Variants in UPRT observed in about 807,000 individuals in gnomAD.
UPRT encodes RP11-311P8.3.
A neutral mutation model predicts 22.6 loss-of-function variants in UPRT; 5 were observed. The ratio of observed to expected loss-of-function variants is 0.22; its 90% confidence interval spans 0.12 to 0.47. The LOEUF is 0.47. UPRT is among the 20% of genes least tolerant of loss of function. The pLI is 0.99. For missense variants in UPRT, 181 were observed against 239.9 expected, an observed-to-expected ratio of 0.75 and a Z score of 1.62; for synonymous variants, 77 against 87.7, an observed-to-expected ratio of 0.88 and a Z score of 0.68.
chrX:75,177,863 G>A (rs779881295), intron 4 of UPRT, among the ~76,000 whole-genome samples: 1 of 112,377 alleles, frequency 8.9e-6, no homozygotes, highest in East Asian at 2.8e-4. Context: ...TCTTATAGGA[G>A]AAACTAGAAA....
At chrX:75,302,268 A>T (rs746551579) in intron 6 of UPRT, among the ~76,000 whole-genome samples, 1 of 111,862 alleles carries the variant, frequency 8.9e-6, no homozygotes, top group Admixed American at 9.5e-5. Flanking sequence ...TCATTTATAT[A>T]TATAAAACAC....
chrX:75,284,216 A>AT (rs1463483415), intron 1 of UPRT, among the ~76,000 whole-genome samples: 1 of 110,609 alleles, frequency 9.0e-6, no homozygotes, highest in Non-Finnish European at 1.9e-5. Context: ...TCGTTTTTGG[A>AT]TTTCCTTGCA....
At chrX:75,217,567 A>G (rs760173986) in intron 4 of UPRT, among the ~76,000 whole-genome samples, 6 of 112,005 alleles carry the variant, frequency 5.4e-5, no homozygotes, top group African/African-American at 1.9e-4. Context: ...CTTTGAAGCA[A>G]TTGTGAATGG....
intron 4 of UPRT, among the ~76,000 whole-genome samples, chrX:75,237,969 T>G (rs2082474890): frequency 9.0e-6 from 1 of 110,895 alleles, no homozygotes; most frequent in Non-Finnish European, 1.9e-5. Context: ...AAAGGAATGT[T>G]AAAAAGAATC....
intron 4 of UPRT, among the ~76,000 whole-genome samples, chrX:75,190,002 G>A (rs562954031): frequency 6.3e-5 from 7 of 111,953 alleles, no homozygotes; most frequent in African/African-American, 2.3e-4. Context: ...TGTTATGTGT[G>A]CATTGGATCC....
intron 4 of UPRT, among the ~76,000 whole-genome samples, chrX:75,257,593 T>C (rs1292873039): frequency 9.0e-6 from 1 of 111,630 alleles, no homozygotes; most frequent in Non-Finnish European, 1.9e-5. Flanking sequence ...CTGTTGATGA[T>C]ATGATTGTTT....
At chrX:75,179,858 C>T (rs1381132620) in intron 4 of UPRT, among the ~76,000 whole-genome samples, 6 of 112,904 alleles carry the variant, frequency 5.3e-5, no homozygotes, top group South Asian at 3.6e-4. Flanking sequence ...CCAGCTGGCC[C>T]GCAAGCGCCG....
chrX:75,268,911 C>T (rs774187032), intron 4 of UPRT, among the ~76,000 whole-genome samples: 24 of 111,702 alleles, frequency 2.1e-4, no homozygotes, highest in African/African-American at 7.8e-4. Context: ...CTGGCCAGGG[C>T]AATCAGGCAA....
At chrX:75,188,686 G>A (rs761682101) in intron 4 of UPRT, among the ~76,000 whole-genome samples, 8 of 112,709 alleles carry the variant, frequency 7.1e-5, no homozygotes, top group East Asian at 2.8e-4. Context: ...CTTCGTGGGC[G>A]TAGGACCCTC....
At chrX:75,234,647 C>T (rs752947027) in intron 4 of UPRT, among the ~76,000 whole-genome samples, 1 of 111,458 alleles carries the variant, frequency 9.0e-6, no homozygotes, top group South Asian at 3.8e-4. Context: ...CAAAACCACT[C>T]AACTACATGG....
At chrX:75,228,496 G>A (rs1489757871) in intron 4 of UPRT, among the ~76,000 whole-genome samples, 5 of 111,616 alleles carry the variant, frequency 4.5e-5, no homozygotes, top group Non-Finnish European at 9.4e-5. Context: ...ATCATCAAAT[G>A]GTTTATTTCA....
Position 75,175,820 on chromosome X carries a change from C to G in UPRT, c.-447+7941C>G, listed in dbSNP as rs1018401707. Among the ~76,000 whole-genome samples, 3 of 111,617 alleles carry G rather than the reference C, an allele frequency of 2.7e-5. No individual in the cohort carries two copies. In the Admixed American group the frequency reaches 2.9e-4, roughly 11 times the overall value. ...TTTCTGACCTCTCTCAACCGTTTGT[C>G]TGAGGGCCATGACTAAGGCTGCGGC... On this transcript the variant is annotated intron_variant, in intron 4 of 13. Transcript: ENST00000652605.
chrX:75,261,751 A>G (rs978864282), intron 4 of UPRT, among the ~76,000 whole-genome samples: 1 of 112,065 alleles, frequency 8.9e-6, no homozygotes. Context: ...TCCCTGATGA[A>G]CATTGATGCG....
chrX:75,169,941 T>A (rs181709617), intron 4 of UPRT, among the ~76,000 whole-genome samples: 38 of 111,236 alleles, frequency 3.4e-4, no homozygotes, highest in Non-Finnish European at 1.1e-4. Flanking sequence ...TTTTATAAAT[T>A]TGGGAGCTCC....
chrX:75,291,266 T>C (rs1349709398), intron 1 of UPRT: 1 of 222,292 alleles, frequency 4.5e-6, no homozygotes, highest in East Asian at 1.4e-4. Flanking sequence ...TGATATTTGG[T>C]TTTTTAGATG....
At chrX:75,185,450 T>A (rs1166256732) in intron 4 of UPRT, among the ~76,000 whole-genome samples, 2 of 112,084 alleles carry the variant, frequency 1.8e-5, no homozygotes, top group Non-Finnish European at 1.9e-5. Context: ...TTTTTGCATC[T>A]ATGTTCATCA....
At chrX:75,279,163 C>T (rs1318858842) in intron 1 of UPRT, among the ~76,000 whole-genome samples, 2 of 110,746 alleles carry the variant, frequency 1.8e-5, no homozygotes, top group African/African-American at 3.3e-5. Context: ...CCTGCTGATT[C>T]GGGCTATAGA....
At chrX:75,194,115 G>T (rs2082325309) in intron 4 of UPRT, among the ~76,000 whole-genome samples, 1 of 111,712 alleles carries the variant, frequency 9.0e-6, no homozygotes, top group Admixed American at 9.5e-5. Flanking sequence ...AGAAGTTGCT[G>T]TGCTTTGGTT....
intron 4 of UPRT, among the ~76,000 whole-genome samples, chrX:75,266,767 A>G (rs2082590027): frequency 9.0e-6 from 1 of 111,569 alleles, no homozygotes; most frequent in Non-Finnish European, 1.9e-5. Flanking sequence ...CCCATCAAAA[A>G]GTGGGTGAAG....
Sources: allele counts gnomAD v4.1 joint callset (sites outside exome capture counted in the v4.1 genomes callset), GRCh38; gene constraint gnomAD v4.1.1; transcripts MANE v1.5; gene names NCBI Gene and HGNC (gene_info 2026-07-23, HGNC 2026-07-21).